Variants in STRAP observed in about 807,000 individuals in gnomAD.
The protein encoded by STRAP is serine/threonine kinase receptor associated protein, also known as serine-threonine kinase receptor-associated protein.
Under a neutral mutation model 47.0 loss-of-function variants are expected in STRAP, and 16 were observed. That is an observed-to-expected ratio of 0.34 (90% CI 0.23 to 0.52). The LOEUF (loss-of-function observed/expected upper bound fraction) is 0.52. STRAP is among the 20% of genes least tolerant of loss of function. The pLI is 0.96. For missense variants in STRAP, 293 were observed against 420.0 expected (o/e 0.70, Z 2.64); for synonymous variants, 130 against 142.7 (o/e 0.91, Z 0.63).
At chr12:15,891,788 CA>C (rs1257977321) in intron 4 of STRAP, among the ~76,000 whole-genome samples, 2 of 151,794 alleles carry the variant, frequency 1.3e-5, no homozygotes, top group African/African-American at 4.8e-5. Flanking sequence ...ACTAAAAGTA[CA>C]AAAAAATTAG....
In STRAP at chr12:15,886,035, TA is replaced by T. The variant is rs529949712; in HGVS notation, c.248+2362del. On this transcript the variant is annotated intron_variant, in intron 2 of 9. Transcript: ENST00000419869. Reference sequence around the variant, plus strand: ...TCATATAAGGAAGATTGAATAGATTTAAATGTCAAGAAGGAAGATTTTTGTG... The same window carrying T: ...TCATATAAGGAAGATTGAATAGATTTAATGTCAAGAAGGAAGATTTTTGTG... 9.0e-3 allele frequency among the ~76,000 whole-genome samples: 1,366 copies of T among 152,246 alleles called. 9 individuals carry two copies. Among genetic ancestry groups the T allele is most frequent in the South Asian group, 0.02 (95 of 4,816 alleles).
intron 2 of STRAP, among the ~76,000 whole-genome samples, chr12:15,888,776 T>G (rs1401371025): frequency 6.6e-6 from 1 of 152,174 alleles, no homozygotes; most frequent in Non-Finnish European, 1.5e-5. Flanking sequence ...TGATATTTAA[T>G]GCATGTTTTT....
Position 15,896,181 on chromosome 12 carries a change from C to T in STRAP, c.638+685C>T, listed in dbSNP as rs1948057975. On this transcript the variant is annotated intron_variant, in intron 6 of 9. Coordinates refer to ENST00000419869, the MANE Select transcript of STRAP (RefSeq NM_007178.4). This position sits in a 1 kb window ranked among gnomAD's most constrained non-coding sequence, Gnocchi z 4.1. ...CCCAGGAGGTGGAGGTTGTTTTGAG[C>T]TGTGGTCACACCACTGCATTCCAGC... Among the ~76,000 whole-genome samples, 1 of 152,076 alleles carries T rather than the reference C, an allele frequency of 6.6e-6. No homozygotes were observed. Among genetic ancestry groups the T allele is most frequent in the Admixed American group, 6.5e-5 (1 of 15,268 alleles).
At position 15,883,178 on chromosome 12, in the gene STRAP, C is replaced by T. The variant is rs377202780; in HGVS notation, c.112+359C>T. The stretch of plus-strand genomic sequence containing the variant: ...GAAATTAGGCCAGGCCGTGCAATAC[C>T]TTACAAAGACGTTCGCTCTTGTCTC... On this transcript the variant is annotated intron_variant, in intron 1 of 9. Coordinates refer to ENST00000419869, the MANE Select transcript of STRAP (RefSeq NM_007178.4). The T allele has an allele frequency of 4.1e-5, 61 of 1,500,724 alleles. No individual in the cohort carries two copies. The African/African-American group carries it at 7.9e-4, about 19-fold the overall frequency. The allele number at this position is 1,500,724 out of a possible 1,614,324, so 93.0% of individuals were successfully genotyped here.
Position 15,894,056 on chromosome 12 carries a change from A to C in STRAP, c.413A>C (p.Glu138Ala). 1.2e-6 allele frequency: 2 copies of C among 1,611,634 alleles called. No individual in the cohort carries two copies. ...ATTGTTTTATCTCAAGAACCTAAGGAAATTAGTGGTCATACTTCTGGTATA... is the reference window on the plus strand; with the variant it reads ...ATTGTTTTATCTCAAGAACCTAAGGCAATTAGTGGTCATACTTCTGGTATA... ...DLNKPEAEPK[E>A]ISGHTSGIKK... Residue 138 changes from glutamate (E) to alanine (A), a missense_variant, in exon 5 of 10, where the codon GAA (glutamate) becomes GCA (alanine). By Grantham distance (107) the Glu-to-Ala change is moderately radical (BLOSUM62 -1). This residue lies in a region of STRAP where 152 missense variants were observed against 183.0 expected (regional missense o/e 0.83). Coordinates refer to ENST00000419869, the MANE Select transcript of STRAP (RefSeq NM_007178.4). This position sits in a 1 kb window ranked among gnomAD's most constrained non-coding sequence, Gnocchi z 4.9.
At position 15,894,360 on chromosome 12, in the gene STRAP, G is replaced by A. The variant is rs1004223438; in HGVS notation, c.500+217G>A. ...TATAATCCCAGCTACTCGGGAGGCC[G>A]AGGCAGGAGAATCACTTGAACCTGC... On this transcript the variant is annotated intron_variant, in intron 5 of 9. Transcript: ENST00000419869. The surrounding 1 kb of genome is among the most constrained non-coding windows in gnomAD (Gnocchi z 4.9). Among the ~76,000 whole-genome samples, 13 of 152,322 alleles carry A rather than the reference G, an allele frequency of 8.5e-5. No homozygotes were observed. Among genetic ancestry groups the A allele is most frequent in the East Asian group, 3.9e-4 (2 of 5,188 alleles).
intron 9 of STRAP, among the ~76,000 whole-genome samples, chr12:15,901,854 C>T (rs1461840982): frequency 1.0e-5 from 1 of 97,796 alleles, no homozygotes; most frequent in Non-Finnish European, 2.2e-5. Context: ...GAGAGAGACT[C>T]TGTCTCAAAA....
rs930086110 is a variant in STRAP, at chr12:15,890,568, T to C, written c.331-29T>C. On this transcript the variant is annotated intron_variant, in intron 3 of 9. Coordinates refer to ENST00000419869, the MANE Select transcript of STRAP (RefSeq NM_007178.4). This position sits in a 1 kb window ranked among gnomAD's most constrained non-coding sequence, Gnocchi z 4.5. ...GAGAAATAACTATTAAAATGGTTAATCTATTCACATTTTACTTTGTGTTTT... is the reference window on the plus strand; with the variant it reads ...GAGAAATAACTATTAAAATGGTTAACCTATTCACATTTTACTTTGTGTTTT... 2.0e-6 allele frequency: 3 copies of C among 1,531,458 alleles called. No individual in the cohort carries two copies. In the African/African-American group the frequency reaches 4.1e-5, roughly 21 times the overall value. The allele number at this position is 1,531,458 out of a possible 1,614,324, so 94.9% of individuals were successfully genotyped here. A position where few individuals can be genotyped will look rare whatever the true frequency, so the allele number is the denominator to read the frequency against.
At chr12:15,885,189 T>TTTTTTTTTG (rs1555144739) in intron 2 of STRAP, among the ~76,000 whole-genome samples, 8 of 148,430 alleles carry the variant, frequency 5.4e-5, no homozygotes, top group African/African-American at 2.0e-4. Flanking sequence ...TGTTTTTTTT[T>TTTTTTTTTG]TTTTTTTTTT....
chr12:15,896,210 G>T lies in STRAP; in HGVS notation c.638+714G>T, dbSNP rs1349315065. Among the ~76,000 whole-genome samples the T allele has an allele frequency of 6.6e-6, 1 of 151,774 alleles. No individual in the cohort carries two copies. The highest frequency in any genetic ancestry group is 2.4e-5 in the African/African-American group (1 of 41,320). On this transcript the variant is annotated intron_variant, in intron 6 of 9. Coordinates refer to ENST00000419869, the MANE Select transcript of STRAP (RefSeq NM_007178.4). The surrounding 1 kb of genome is among the most constrained non-coding windows in gnomAD (Gnocchi z 4.1). Reference sequence around the variant, plus strand: ...GGTCACACCACTGCATTCCAGCCTGGGTAACAGAGTGAGACTCTGTCTCAA... The same window carrying T: ...GGTCACACCACTGCATTCCAGCCTGTGTAACAGAGTGAGACTCTGTCTCAA...
intron 6 of STRAP, among the ~76,000 whole-genome samples, chr12:15,897,517 TA>T (rs1362427098): frequency 6.6e-6 from 1 of 152,112 alleles, no homozygotes; most frequent in African/African-American, 2.4e-5. Context: ...ACAAAGATAA[TA>T]TGTGGTTGTA....
chr12:15,893,345 G>A (rs930722580), intron 4 of STRAP, among the ~76,000 whole-genome samples: 7 of 150,736 alleles, frequency 4.6e-5, no homozygotes, highest in African/African-American at 1.7e-4. Context: ...AGATTCAACT[G>A]TTTTGTTCCT....
chr12:15,900,458 A>T (rs1948094077), intron 8 of STRAP, among the ~76,000 whole-genome samples: 1 of 151,740 alleles, frequency 6.6e-6, no homozygotes, highest in Admixed American at 6.6e-5. Flanking sequence ...TGAACCCAGG[A>T]GCCATGCATT....
At chr12:15,902,774 A>C (rs1948115539) in intron 9 of STRAP, 143 bp from the exon 10 acceptor site, 1 of 925,684 alleles carries the variant, frequency 1.1e-6, no homozygotes, top group Non-Finnish European at 1.5e-6. Context: ...TGGCATGTGC[A>C]GTTGCTCTCT....
Position 15,890,579 on chromosome 12 carries a change from T to A in STRAP, c.331-18T>A. The A allele has an allele frequency of 6.3e-7, 1 of 1,592,952 alleles. No homozygotes were observed. Among genetic ancestry groups the A allele is most frequent in the Non-Finnish European group, 8.6e-7 (1 of 1,167,052 alleles). On this transcript the variant is annotated intron_variant, in intron 3 of 9. Coordinates refer to ENST00000419869, the MANE Select transcript of STRAP (RefSeq NM_007178.4). The surrounding 1 kb of genome is among the most constrained non-coding windows in gnomAD (Gnocchi z 4.5). ...ATTAAAATGGTTAATCTATTCACAT[T>A]TTACTTTGTGTTTTCAGGATAGTAA...
At chr12:15,889,812 T>A (rs1717239238) in intron 2 of STRAP, 116 bp from the exon 3 acceptor site, 1 of 705,092 alleles carries the variant, frequency 1.4e-6, no homozygotes, top group Admixed American at 2.6e-5. Context: ...ATAATACATT[T>A]ATGTAACATT....
intron 8 of STRAP, 81 bp from the exon 9 acceptor site, chr12:15,900,866 G>T (rs1591990421): frequency 1.8e-6 from 2 of 1,138,186 alleles, no homozygotes; most frequent in Non-Finnish European, 2.4e-6. Flanking sequence ...ATAGTCTTAT[G>T]TTGCTCTTCT....
Position 15,889,929 on chromosome 12 carries a change from A to T in STRAP, c.250A>T (p.Lys84Ter). 6.2e-7 allele frequency: 1 copy of T among 1,612,412 alleles called. No homozygotes were observed. Among genetic ancestry groups the T allele is most frequent in the East Asian group, 2.2e-5 (1 of 44,786 alleles). Residue 84 changes from lysine (K) to a stop codon, truncating the protein, a stop_gained and splice_region_variant, in exon 3 of 10, where the codon AAA becomes TAA. Coordinates refer to ENST00000419869, the MANE Select transcript of STRAP (RefSeq NM_007178.4). LOFTEE classifies it high-confidence loss of function. ...AATAAADFTA[K>*]VWDAVSGDEL... Reference sequence around the variant, plus strand: ...TAATTTTCTCTTTTTTACTTTTAGCAAAGTGTGGGATGCTGTCTCAGGAGA... The same window carrying T: ...TAATTTTCTCTTTTTTACTTTTAGCTAAGTGTGGGATGCTGTCTCAGGAGA...
rs1555145711 is a variant in STRAP at position 15,895,346 on chromosome 12, C to A, written c.501-13C>A. 2 of 1,518,410 alleles carry A rather than the reference C, an allele frequency of 1.3e-6. No individual in the cohort carries two copies. Among genetic ancestry groups the A allele is most frequent in the Non-Finnish European group, 1.8e-6 (2 of 1,138,772 alleles). 94.1% of individuals were successfully genotyped at this position (1,518,410 alleles called of 1,614,324 possible). A position where few individuals can be genotyped will look rare whatever the true frequency, so the allele number is the denominator to read the frequency against. The stretch of plus-strand genomic sequence containing the variant: ...ACATGAGTAAACATCATATTTTTAT[C>A]TTTATTTTGCAGACTTTGGGATCAT... On this transcript the variant is annotated splice_polypyrimidine_tract_variant and intron_variant, in intron 5 of 9. Transcript: ENST00000419869.
Sources: gnomAD v4.1 joint callset for allele counts (sites outside exome capture counted in the v4.1 genomes callset) on GRCh38, gnomAD v4.1.1 for gene constraint, gnomAD v4.1.1 regional missense constraint, Gnocchi (gnomAD v3.1) non-coding constraint, MANE v1.5 for transcripts, NCBI Gene and HGNC (gene_info 2026-07-23, HGNC 2026-07-21) for gene names.